BIRC6: variants seen among roughly 807,000 people sequenced by gnomAD.
The protein encoded by BIRC6 is dual E2 ubiquitin-conjugating enzyme/E3 ubiquitin-protein ligase BIRC6.
Under a neutral mutation model 503.3 loss-of-function variants are expected in BIRC6, and 98 were observed. The ratio of observed to expected loss-of-function variants is 0.19; its 90% CI spans 0.17 to 0.23. The LOEUF (loss-of-function observed/expected upper bound fraction) is 0.23. Among genes scored for constraint, BIRC6 ranks in the 10% least tolerant of loss-of-function variants. The pLI, the probability that BIRC6 is intolerant of heterozygous loss-of-function variation, is 1.00. For synonymous variants in BIRC6, 2,240 were observed against 2,078.7 expected (o/e 1.08, Z -2.11); for missense variants, 5,360 against 5,806.0 (o/e 0.92, Z 2.50).
At chr2:32,495,056 A>G (rs2052279420) in intron 45 of BIRC6, among the ~76,000 whole-genome samples, 1 of 152,252 alleles carries the variant, frequency 6.6e-6, no homozygotes, top group Non-Finnish European at 1.5e-5. Flanking sequence ...TCCCGTGAGG[A>G]ATAAAGATTA....
chr2:32,504,393 C>T (rs867469018), intron 49 of BIRC6, among the ~76,000 whole-genome samples: 4 of 151,840 alleles, frequency 2.6e-5, no homozygotes, highest in African/African-American at 4.8e-5. Flanking sequence ...TGAGGCTGGG[C>T]GCGGTGGCTC....
At chr2:32,548,298 A>G (rs915886071) in intron 64 of BIRC6, among the ~76,000 whole-genome samples, 21 of 138,514 alleles carry the variant, frequency 1.5e-4, no homozygotes, top group Admixed American at 6.4e-4. Context: ...TTTCTTGTTT[A>G]ATGTGTTGTA....
intron 65 of BIRC6, chr2:32,566,128 T>G (rs1170749755): frequency 6.6e-6 from 1 of 152,188 alleles, no homozygotes; most frequent in Non-Finnish European, 1.5e-5. Flanking sequence ...TTTTTATACC[T>G]TACTGTCCTA....
At chr2:32,496,017 A>G (rs2052417692) in intron 45 of BIRC6, among the ~76,000 whole-genome samples, 1 of 151,060 alleles carries the variant, frequency 6.6e-6, no homozygotes, top group African/African-American at 2.4e-5. Flanking sequence ...TTGTTTTTGT[A>G]GTTTTAGTAG....
At chr2:32,366,016 C>G (rs1332266279) in intron 1 of BIRC6, among the ~76,000 whole-genome samples, 2 of 152,216 alleles carry the variant, frequency 1.3e-5, no homozygotes, top group East Asian at 3.9e-4. Flanking sequence ...TCCCAAGTAG[C>G]TGGGATTACA....
At chr2:32,465,602 C>T (rs2048459196) in intron 26 of BIRC6, among the ~76,000 whole-genome samples, 1 of 152,068 alleles carries the variant, frequency 6.6e-6, no homozygotes, top group South Asian at 2.1e-4. Flanking sequence ...TTGAATGTTA[C>T]CTGAGTTTGT....
intron 4 of BIRC6, among the ~76,000 whole-genome samples, chr2:32,390,020 G>A (rs1286160881): frequency 6.6e-6 from 1 of 151,490 alleles, no homozygotes; most frequent in Non-Finnish European, 1.5e-5. Context: ...CCACCATACC[G>A]GGGCTAATTT....
At chr2:32,418,533 TG>T (rs2150070250) in intron 10 of BIRC6, among the ~76,000 whole-genome samples, 1 of 152,358 alleles carries the variant, frequency 6.6e-6, no homozygotes, top group South Asian at 2.1e-4. Context: ...CTGAATTCTT[TG>T]CATTCTTTTA....
chr2:32,465,203 T>G, intron 26 of BIRC6, 39 bp downstream of exon 26: 2 of 1,094,898 alleles, frequency 1.8e-6, no homozygotes, highest in Admixed American at 3.0e-5. Context: ...TTTTTTTTTT[T>G]TGCTTAGTCT....
chr2:32,474,194 G>C (rs2049453943), intron 33 of BIRC6, among the ~76,000 whole-genome samples: 1 of 151,592 alleles, frequency 6.6e-6, no homozygotes. Context: ...TGATTTATGG[G>C]GCTTTTTTTT....
At chr2:32,435,668 T>A in intron 14 of BIRC6, 83 bp downstream of exon 14, 1 of 1,391,732 alleles carries the variant, frequency 7.2e-7, no homozygotes, top group African/African-American at 1.5e-5. Flanking sequence ...GATTTCCTTA[T>A]GGCTTGCAAA....
At chr2:32,389,863 A>ATT (rs1311770533) in intron 4 of BIRC6, among the ~76,000 whole-genome samples, 2 of 140,084 alleles carry the variant, frequency 1.4e-5, no homozygotes, top group Non-Finnish European at 1.6e-5. Flanking sequence ...TGCATGGCTG[A>ATT]TTTTTTTTTT....
At chr2:32,517,201 C>T (rs1429580152) in intron 55 of BIRC6, among the ~76,000 whole-genome samples, 1 of 151,970 alleles carries the variant, frequency 6.6e-6, no homozygotes, top group Non-Finnish European at 1.5e-5. Flanking sequence ...ATTAGCCGGG[C>T]ATGGTGATAC....
intron 65 of BIRC6, among the ~76,000 whole-genome samples, chr2:32,561,737 A>ATATATT (rs1553507429): frequency 5.7e-5 from 8 of 140,760 alleles, no homozygotes; most frequent in African/African-American, 2.1e-4. Context: ...ATATATATAT[A>ATATATT]TATTTATTTA....
chr2:32,515,940 G>A (rs2054987095), intron 55 of BIRC6, among the ~76,000 whole-genome samples, 170 bp downstream of exon 55: 1 of 152,142 alleles, frequency 6.6e-6, no homozygotes, highest in African/African-American at 2.4e-5. Context: ...TGCTGTCACT[G>A]GAATCACTTA....
chr2:32,596,304 A>G (rs2061671081), intron 68 of BIRC6, among the ~76,000 whole-genome samples: 1 of 151,668 alleles, frequency 6.6e-6, no homozygotes, highest in African/African-American at 2.4e-5. Context: ...ACATGGTGTA[A>G]CTCCATCTCT....
chr2:32,557,266 C>G (rs982719984), intron 65 of BIRC6: 1 of 152,122 alleles, frequency 6.6e-6, no homozygotes, highest in Non-Finnish European at 1.5e-5. Flanking sequence ...GTCTTCTTTC[C>G]TATACTGACT....
chr2:32,433,797 A>C lies in BIRC6; in HGVS notation c.3402A>C (p.Lys1134Asn). Residue 1134 changes from lysine (K) to asparagine (N), a missense_variant, in exon 13 of 74, where the codon AAA (lysine) becomes AAC (asparagine). Lys to Asn is a moderately conservative substitution (Grantham distance 94, BLOSUM62 0). Coordinates refer to ENST00000421745, the MANE Select transcript of BIRC6 (RefSeq NM_016252.4). ...LLKNKAPGLGKVNALNIEVEQ... is the reference protein window; with the variant it reads ...LLKNKAPGLGNVNALNIEVEQ... ...AAAATAAAGCTCCAGGATTAGGGAAAGTCAATGGTAAGAATGTATCAAAAT... is the reference window on the plus strand; with the variant it reads ...AAAATAAAGCTCCAGGATTAGGGAACGTCAATGGTAAGAATGTATCAAAAT... 1 of 1,552,438 alleles carries C rather than the reference A, an allele frequency of 6.4e-7. No homozygotes were observed.
Position 32,391,978 on chromosome 2 carries a change from A to G in BIRC6, c.840-61A>G, listed in dbSNP as rs535861090. 5.0e-5 allele frequency: 57 copies of G among 1,137,206 alleles called. No homozygotes were observed. In the Admixed American group the frequency reaches 6.2e-4, roughly 12 times the overall value. 70.4% of individuals were successfully genotyped at this position (1,137,206 alleles called of 1,614,324 possible). ...GTAAAATTATTTTTTGCATTGTTAA[A>G]TAGAAGTTTCACTGTGATTTGATGC... On this transcript the variant is annotated intron_variant, in intron 4 of 73. Transcript: ENST00000421745.
Sources: gnomAD v4.1 joint callset for allele counts (sites outside exome capture counted in the v4.1 genomes callset) on GRCh38, gnomAD v4.1.1 for gene constraint, MANE v1.5 for transcripts, NCBI Gene and HGNC (gene_info 2026-07-23, HGNC 2026-07-21) for gene names.